RAP1GAP2: variants seen among roughly 807,000 people sequenced by gnomAD.
RAP1GAP2 encodes the protein rap1 GTPase-activating protein 2.
A neutral mutation model predicts 95.0 loss-of-function variants in RAP1GAP2; 27 were observed. The ratio of observed to expected loss-of-function variants is 0.28; its 90% CI spans 0.21 to 0.39. The LOEUF is 0.39. Ranked by LOEUF, RAP1GAP2 falls within the 10% of genes least tolerant of loss-of-function variation. The probability of loss-of-function intolerance (pLI) is 1.00; values close to 1 mark genes in which losing one functional copy is unlikely to be tolerated. For missense variants in RAP1GAP2, 771 were observed against 970.0 expected, an observed-to-expected ratio of 0.79 and a Z score of 2.72; for synonymous variants, 373 against 380.9, an observed-to-expected ratio of 0.98 and a Z score of 0.24.
In RAP1GAP2 at chr17:2,980,224, C is replaced by T. The variant is rs544161240; in HGVS notation, c.597-63C>T. The T allele has an allele frequency of 1.8e-4, 268 of 1,526,660 alleles. 1 individual carries two copies. Among genetic ancestry groups the T allele is most frequent in the Admixed American group, 1.1e-3 (65 of 57,836 alleles). The allele number at this position is 1,526,660 out of a possible 1,614,324, so 94.6% of individuals were successfully genotyped here. A position where few individuals can be genotyped will look rare whatever the true frequency, so the allele number is the denominator to read the frequency against. ...TCCCAAAATGCTGAGATGACAGGCA[C>T]GAGTCCCCGCGCCCTCACTGACTGT... On this transcript the variant is annotated intron_variant, in intron 8 of 24. Transcript: ENST00000254695.
chr17:3,009,508 C>A (rs1200275982), intron 17 of RAP1GAP2, among the ~76,000 whole-genome samples: 1 of 152,180 alleles, frequency 6.6e-6, no homozygotes, highest in Non-Finnish European at 1.5e-5. Flanking sequence ...TCCAGGTCCG[C>A]CGGATTCCAA....
intron 3 of RAP1GAP2, among the ~76,000 whole-genome samples, chr17:2,916,870 A>T (rs1370353815): frequency 6.6e-6 from 1 of 152,090 alleles, no homozygotes; most frequent in Non-Finnish European, 1.5e-5. Context: ...CTTCTTATGT[A>T]TCTTCGGGCC....
chr17:3,026,190 T>C, intron 20 of RAP1GAP2, 69 bp downstream of exon 20: 1 of 1,383,754 alleles, frequency 7.2e-7, no homozygotes, highest in Non-Finnish European at 1.0e-6. Flanking sequence ...CTCTGCCTCC[T>C]GGCCAGCTGA....
intron 3 of RAP1GAP2, among the ~76,000 whole-genome samples, chr17:2,952,784 G>A (rs1310732062): frequency 6.6e-6 from 1 of 151,690 alleles, no homozygotes; most frequent in Non-Finnish European, 1.5e-5. Flanking sequence ...TTAATCATTT[G>A]TTCATGTCCT....
Position 2,797,922 on chromosome 17 carries a change from T to A in RAP1GAP2, c.44+1351T>A. 1 of 403,906 alleles carries A rather than the reference T, an allele frequency of 2.5e-6. No homozygotes were observed. The highest frequency in any genetic ancestry group is 3.3e-6 in the Non-Finnish European group (1 of 298,868). The allele number at this position is 403,906 out of a possible 1,614,324, so 25.0% of individuals were successfully genotyped here. A position where few individuals can be genotyped will look rare whatever the true frequency, so the allele number is the denominator to read the frequency against. Reference sequence around the variant, plus strand: ...AAGGCCCGCCTTTCTCTGGGAGGTGTGGAGCAGATGGAAGGCTGGTCGCCA... The same window carrying A: ...AAGGCCCGCCTTTCTCTGGGAGGTGAGGAGCAGATGGAAGGCTGGTCGCCA... On this transcript the variant is annotated intron_variant, in intron 1 of 24. Coordinates refer to ENST00000254695, the MANE Select transcript of RAP1GAP2 (RefSeq NM_015085.5). The surrounding 1 kb of genome is among the most constrained non-coding windows in gnomAD (Gnocchi z 5.6).
At chr17:2,758,186 T>A (rs1328783145) in intron 1 of RAP1GAP2, among the ~76,000 whole-genome samples, 2 of 142,708 alleles carry the variant, frequency 1.4e-5, no homozygotes, top group African/African-American at 5.1e-5. Flanking sequence ...CCCCCCTTTT[T>A]TTTTTTTAAG....
chr17:3,001,474 A>G lies in RAP1GAP2; in HGVS notation c.1200+3098A>G, dbSNP rs1339768965. ...CAGGTCCAAGCACCAGGCTGAAGTG[A>G]GGCTCGTGGAGGTAACAAGATCAGC... On this transcript the variant is annotated intron_variant, in intron 14 of 24. Transcript: ENST00000254695. Among the ~76,000 whole-genome samples the G allele has an allele frequency of 1.3e-4, 11 of 85,376 alleles. No individual in the cohort carries two copies. The South Asian group carries it at 2.7e-3, about 21-fold the overall frequency. The allele number at this position is 85,376 out of a possible 152,430, so 56.0% of individuals were successfully genotyped here. A position where few individuals can be genotyped will look rare whatever the true frequency, so the allele number is the denominator to read the frequency against.
intron 8 of RAP1GAP2, among the ~76,000 whole-genome samples, chr17:2,974,348 C>CA (rs72111109): frequency 0.082 from 10,833 of 131,596 alleles, 1,098 homozygotes; most frequent in African/African-American, 0.25. Context: ...GATTCCATCT[C>CA]AAAAAAAAAA....
chr17:2,955,509 T>C (rs963221486), intron 3 of RAP1GAP2, among the ~76,000 whole-genome samples: 13 of 152,342 alleles, frequency 8.5e-5, no homozygotes, highest in African/African-American at 3.1e-4. Context: ...TTTGTTTTTG[T>C]AGAGACACGT....
intron 2 of RAP1GAP2, among the ~76,000 whole-genome samples, chr17:2,888,889 CTG>C: frequency 6.6e-6 from 1 of 150,984 alleles, no homozygotes; most frequent in South Asian, 2.1e-4. Context: ...TCTTGAACTC[CTG>C]AGCTCAGGCG....
intron 3 of RAP1GAP2, among the ~76,000 whole-genome samples, chr17:2,918,580 T>G (rs1597606704): frequency 6.6e-6 from 1 of 151,890 alleles, no homozygotes; most frequent in Non-Finnish European, 1.5e-5. Flanking sequence ...AGGAGGCAGG[T>G]CACAGGGCCA....
intron 3 of RAP1GAP2, among the ~76,000 whole-genome samples, chr17:2,925,069 G>A (rs977758491): frequency 1.3e-5 from 2 of 152,192 alleles, no homozygotes; most frequent in South Asian, 2.1e-4. Context: ...GGTCAGTTCC[G>A]TGGTCTGGAG....
In RAP1GAP2 at chr17:2,797,020, C is replaced by T. The variant is rs1027107998; in HGVS notation, c.44+449C>T. Among the ~76,000 whole-genome samples, 9 of 151,904 alleles carry T rather than the reference C, an allele frequency of 5.9e-5. No homozygotes were observed. Among genetic ancestry groups the T allele is most frequent in the African/African-American group, 2.2e-4 (9 of 41,350 alleles). On this transcript the variant is annotated intron_variant, in intron 1 of 24. Transcript: ENST00000254695. This position sits in a 1 kb window ranked among gnomAD's most constrained non-coding sequence, Gnocchi z 5.6. The stretch of plus-strand genomic sequence containing the variant: ...GTGTGCCTGTGCATGTGGGCAGCTG[C>T]CTGTCTGCACTTCTGGCCTTCTGTG...
intron 3 of RAP1GAP2, among the ~76,000 whole-genome samples, chr17:2,950,715 A>G (rs547272422): frequency 2.7e-5 from 4 of 148,350 alleles, no homozygotes; most frequent in African/African-American, 5.0e-5. Flanking sequence ...GGCTCAAGCA[A>G]TTCTCCTGCC....
intron 10 of RAP1GAP2, 147 bp downstream of exon 10, chr17:2,981,395 A>C: frequency 2.7e-6 from 2 of 733,988 alleles, no homozygotes; most frequent in Non-Finnish European, 4.4e-6. Flanking sequence ...CTCCCTGCCC[A>C]CCCCTTCACA....
chr17:2,999,469 T>C (rs1459899816), intron 14 of RAP1GAP2, among the ~76,000 whole-genome samples: 3 of 152,134 alleles, frequency 2.0e-5, no homozygotes, highest in Admixed American at 2.0e-4. Flanking sequence ...CAGGAACCAC[T>C]GTTCTAAGGG....
chr17:2,904,596 G>T lies in RAP1GAP2; in HGVS notation c.81-688G>T, dbSNP rs1380788463. Among the ~76,000 whole-genome samples the T allele has an allele frequency of 7.1e-6, 1 of 140,654 alleles. No homozygotes were observed. The highest frequency in any genetic ancestry group is 1.6e-5 in the Non-Finnish European group (1 of 62,316). The allele number at this position is 140,654 out of a possible 152,430, so 92.3% of individuals were successfully genotyped here. ...CGTGCAGAGGGGCTCAAGGGAGAAT[G>T]AATCCGCGTTTCTCCCCTCCTCTTC... On this transcript the variant is annotated intron_variant, in intron 2 of 24. Coordinates refer to ENST00000254695, the MANE Select transcript of RAP1GAP2 (RefSeq NM_015085.5). The surrounding 1 kb of genome is among the most constrained non-coding windows in gnomAD (Gnocchi z 4.7).
At chr17:2,924,373 G>T (rs1339412585) in intron 3 of RAP1GAP2, among the ~76,000 whole-genome samples, 1 of 152,196 alleles carries the variant, frequency 6.6e-6, no homozygotes, top group East Asian at 1.9e-4. Flanking sequence ...GTTAGCAAAT[G>T]ACATGGCTGA....
chr17:2,923,298 A>G (rs551414344), intron 3 of RAP1GAP2, among the ~76,000 whole-genome samples: 33 of 148,960 alleles, frequency 2.2e-4, no homozygotes, highest in African/African-American at 7.7e-4. Flanking sequence ...TCGGCCTCCC[A>G]AAGTGCTGGG....
Sources: gnomAD v4.1 joint callset for allele counts (sites outside exome capture counted in the v4.1 genomes callset) on GRCh38, gnomAD v4.1.1 for gene constraint, Gnocchi (gnomAD v3.1) non-coding constraint, MANE v1.5 for transcripts, NCBI Gene and HGNC (gene_info 2026-07-23, HGNC 2026-07-21) for gene names.